Variants in CA1 observed in about 807,000 individuals in gnomAD.
The protein encoded by CA1 is carbonic anhydrase 1.
A neutral mutation model predicts 28.8 loss-of-function variants in CA1; 27 were observed. That is an observed-to-expected ratio of 0.94 (90% CI 0.69 to 1.29). The LOEUF (loss-of-function observed/expected upper bound fraction) is 1.29. Among genes scored for constraint, CA1 ranks in the 50% most tolerant of loss-of-function variants. The pLI, the probability that CA1 is intolerant of heterozygous loss-of-function variation, is 0.00. For synonymous variants in CA1, 121 were observed against 108.8 expected (o/e 1.11, Z -0.70); for missense variants, 335 against 310.5 (o/e 1.08, Z -0.59).
At chr8:85,352,157 T>G (rs985541293) in intron 1 of CA1, among the ~76,000 whole-genome samples, 1 of 152,184 alleles carries the variant, frequency 6.6e-6, no homozygotes, top group African/African-American at 2.4e-5. Context: ...TGCATCCAAA[T>G]CATTCAACCT....
At chr8:85,367,996 T>G (rs958201764) in intron 1 of CA1, among the ~76,000 whole-genome samples, 3 of 152,118 alleles carry the variant, frequency 2.0e-5, no homozygotes, top group Non-Finnish European at 2.9e-5. Flanking sequence ...TAAATCTCAC[T>G]TATTTTCTTT....
At chr8:85,376,780 A>C (rs1255149625) in intron 1 of CA1, among the ~76,000 whole-genome samples, 1 of 152,184 alleles carries the variant, frequency 6.6e-6, no homozygotes, top group East Asian at 1.9e-4. Context: ...CTGTTACCTC[A>C]AGGAGATGCC....
chr8:85,329,609 A>G, intron 7 of CA1, 80 bp downstream of exon 7: 1 of 1,216,556 alleles, frequency 8.2e-7, no homozygotes. Context: ...GACTGAAATA[A>G]TAATCTCTCT....
rs1419357655 is a variant in CA1, at chr8:85,350,958, G to A, written c.-24-9299C>T. ...TTCACGTTCGATGTTCTTACAATGC[G>A]ATCTTTTGTCACTCCTGTCTCAGGC... is the stretch of plus-strand genomic sequence containing the variant. On this transcript the variant is annotated intron_variant, in intron 1 of 7. Transcript: ENST00000523022. Among the ~76,000 whole-genome samples, 6 of 152,292 alleles carry A rather than the reference G, an allele frequency of 3.9e-5. 1 individual carries two copies. Among genetic ancestry groups the A allele is most frequent in the Middle Eastern group, 3.4e-3 (1 of 294 alleles).
chr8:85,335,688 A>G (rs1391042107), intron 4 of CA1, among the ~76,000 whole-genome samples: 2 of 152,310 alleles, frequency 1.3e-5, no homozygotes, highest in Non-Finnish European at 2.9e-5. Flanking sequence ...TTTAGATGAG[A>G]GAGTCACTAA....
At chr8:85,355,732 A>AT (rs1379172963) in intron 1 of CA1, among the ~76,000 whole-genome samples, 9 of 151,622 alleles carry the variant, frequency 5.9e-5, no homozygotes, top group Non-Finnish European at 1.3e-4. Flanking sequence ...AAAAGTATAT[A>AT]TTTTTTATTT....
At chr8:85,370,089 G>A (rs899641892) in intron 1 of CA1, among the ~76,000 whole-genome samples, 1 of 152,172 alleles carries the variant, frequency 6.6e-6, no homozygotes, top group African/African-American at 2.4e-5. Context: ...GCTGAACCCC[G>A]TCATTAAGGG....
rs754527528 is a variant in CA1 at position 85,374,160 on chromosome 8, A to G, written c.-25+3886T>C. ...GTGAATATCTATTTAGAACAAGAAA[A>G]TGATTTATAATAAATCAAATATTTT... On this transcript the variant is annotated intron_variant, in intron 1 of 7. Transcript: ENST00000523022. Among the ~76,000 whole-genome samples, 3 of 152,336 alleles carry G rather than the reference A, an allele frequency of 2.0e-5. No individual in the cohort carries two copies. The South Asian group carries it at 6.2e-4, about 32-fold the overall frequency.
intron 1 of CA1, among the ~76,000 whole-genome samples, chr8:85,350,483 T>A (rs1261919532): frequency 6.6e-6 from 1 of 152,218 alleles, no homozygotes; most frequent in Non-Finnish European, 1.5e-5. Flanking sequence ...AGTTCCTTAA[T>A]ATGCAACACT....
intron 1 of CA1, among the ~76,000 whole-genome samples, chr8:85,350,567 A>G (rs186402804): frequency 1.3e-5 from 2 of 152,294 alleles, no homozygotes; most frequent in East Asian, 1.9e-4. Flanking sequence ...AAAGTTCCAC[A>G]TAGCCTTTGT....
chr8:85,350,462 C>T (rs975061084), intron 1 of CA1, among the ~76,000 whole-genome samples: 2 of 152,160 alleles, frequency 1.3e-5, no homozygotes, highest in African/African-American at 2.4e-5. Flanking sequence ...GTTTATCTGG[C>T]CCTGTGATGG....
chr8:85,366,238 CCT>C (rs994197709), intron 1 of CA1, among the ~76,000 whole-genome samples: 110 of 147,500 alleles, frequency 7.5e-4, no homozygotes, highest in African/African-American at 2.5e-3. Context: ...GTTTTGAACT[CCT>C]GAGCTCAAGT....
intron 6 of CA1, among the ~76,000 whole-genome samples, 165 bp from the exon 7 acceptor site, chr8:85,330,009 A>G (rs1808337666): frequency 6.6e-6 from 1 of 152,176 alleles, no homozygotes. Context: ...GTTTGTGGAT[A>G]TAAACAATAA....
chr8:85,335,636 T>G (rs1808620459), intron 4 of CA1, among the ~76,000 whole-genome samples: 1 of 152,188 alleles, frequency 6.6e-6, no homozygotes, highest in Non-Finnish European at 1.5e-5. Context: ...TGTGGCTAAG[T>G]GTCTCTCAAT....
intron 4 of CA1, among the ~76,000 whole-genome samples, chr8:85,335,557 C>A (rs1808616108): frequency 6.6e-6 from 1 of 152,124 alleles, no homozygotes. Context: ...TGCATTGCCT[C>A]TCAAACCTAT....
chr8:85,344,739 G>A (rs962938141), intron 1 of CA1, among the ~76,000 whole-genome samples: 3 of 152,114 alleles, frequency 2.0e-5, no homozygotes, highest in Non-Finnish European at 4.4e-5. Context: ...AGTTATGGAC[G>A]AGATCTGCTA....
intron 1 of CA1, among the ~76,000 whole-genome samples, chr8:85,345,374 T>C (rs1809135849): frequency 6.6e-6 from 1 of 152,206 alleles, no homozygotes; most frequent in South Asian, 2.1e-4. Flanking sequence ...AGTCACTCCA[T>C]TATATCATTC....
At chr8:85,345,519 A>G (rs1368006684) in intron 1 of CA1, among the ~76,000 whole-genome samples, 1 of 152,144 alleles carries the variant, frequency 6.6e-6, no homozygotes, top group Non-Finnish European at 1.5e-5. Context: ...TTTCACCACC[A>G]TGTTCTCTTC....
At chr8:85,360,893 A>T (rs1004581470) in intron 1 of CA1, among the ~76,000 whole-genome samples, 2 of 152,160 alleles carry the variant, frequency 1.3e-5, no homozygotes, top group South Asian at 4.1e-4. Context: ...CATAATTTAA[A>T]TCATCTACTT....
Sources: allele counts gnomAD v4.1 joint callset (sites outside exome capture counted in the v4.1 genomes callset), GRCh38; gene constraint gnomAD v4.1.1; transcripts MANE v1.5; gene names NCBI Gene and HGNC (gene_info 2026-07-23, HGNC 2026-07-21).